The following MYO1F variants were observed in gnomAD, a reference collection of about 807,000 sequenced individuals.
MYO1F encodes the protein myosin IF.
A neutral mutation model predicts 146.6 loss-of-function variants in MYO1F; 60 were observed. The observed-to-expected ratio is 0.41, with a 90% CI of 0.33 to 0.51. MYO1F has a LOEUF of 0.51. Ranked by LOEUF, MYO1F falls within the 20% of genes least tolerant of loss-of-function variation. The pLI is 0.25. For missense variants in MYO1F, 1,274 were observed against 1,534.3 expected, an observed-to-expected ratio of 0.83 and a Z score of 2.83; for synonymous variants, 602 against 602.1, an observed-to-expected ratio of 1.00 and a Z score of 0.00.
chr19:8,554,984 G>A (rs1178993079), intron 2 of MYO1F, among the ~76,000 whole-genome samples: 1 of 152,082 alleles, frequency 6.6e-6, no homozygotes, highest in Non-Finnish European at 1.5e-5. Context: ...AGGAGTTTGA[G>A]ACCAGCCTGG....
rs1599903102 is a variant in MYO1F at position 8,522,840 on chromosome 19, A to G, written c.2855-11T>C. 1 of 1,550,346 alleles carries G rather than the reference A, an allele frequency of 6.5e-7. No homozygotes were observed. The highest frequency in any genetic ancestry group is 8.7e-7 in the Non-Finnish European group (1 of 1,152,152). On this transcript the variant is annotated splice_polypyrimidine_tract_variant and intron_variant, in intron 25 of 27. Coordinates refer to ENST00000644032, the MANE Select transcript of MYO1F (RefSeq NM_012335.4). The stretch of plus-strand genomic sequence containing the variant: ...CATTGCGATCCATGCCTGTGGCAGG[A>G]GCAAGGATGAAGACATGTATTAGGG...
chr19:8,521,966 T>A, intron 27 of MYO1F, among the ~76,000 whole-genome samples: 1 of 151,692 alleles, frequency 6.6e-6, no homozygotes, highest in Non-Finnish European at 1.5e-5. Flanking sequence ...TTATCTCTGT[T>A]CTCCCGTGGG....
chr19:8,551,297 C>T (rs1047321689), intron 8 of MYO1F: 2 of 248,318 alleles, frequency 8.1e-6, no homozygotes, highest in East Asian at 1.1e-4. Context: ...GGTGATCTAC[C>T]TGCCTCGGCC....
At chr19:8,538,545 G>T (rs1260885682) in intron 16 of MYO1F, among the ~76,000 whole-genome samples, 1 of 150,976 alleles carries the variant, frequency 6.6e-6, no homozygotes, top group African/African-American at 2.4e-5. Flanking sequence ...GCCTCTGAAA[G>T]TGCTGGGATT....
intron 15 of MYO1F, 33 bp from the exon 16 acceptor site, chr19:8,540,061 G>T: frequency 6.3e-7 from 1 of 1,579,262 alleles, no homozygotes; most frequent in Non-Finnish European, 8.7e-7. Flanking sequence ...GGAGTTGGAG[G>T]TATGGCTAGA....
At chr19:8,546,747 C>T (rs766489726) in intron 12 of MYO1F, among the ~76,000 whole-genome samples, 11 of 152,000 alleles carry the variant, frequency 7.2e-5, no homozygotes, top group South Asian at 2.1e-4. Context: ...GGCACAATCT[C>T]GACTCACTAC....
intron 19 of MYO1F, among the ~76,000 whole-genome samples, chr19:8,534,048 G>A (rs112789212): frequency 0.021 from 3,170 of 151,840 alleles, 55 homozygotes; most frequent in African/African-American, 0.048. Flanking sequence ...GTGTGGTGGC[G>A]GGTGCCTGTA....
chr19:8,540,089 T>C, intron 15 of MYO1F, 61 bp from the exon 16 acceptor site: 1 of 1,402,394 alleles, frequency 7.1e-7, no homozygotes, highest in Non-Finnish European at 9.9e-7. Flanking sequence ...GTACTCTTCC[T>C]CCAGGGGTGG....
At chr19:8,525,940 C>A (rs540336861) in intron 24 of MYO1F, among the ~76,000 whole-genome samples, 1 of 152,144 alleles carries the variant, frequency 6.6e-6, no homozygotes, top group Non-Finnish European at 1.5e-5. Context: ...GTCCAGCCTG[C>A]TGGCCCCGCC....
Position 8,521,420 on chromosome 19 carries a change from G to T in MYO1F, c.*108C>A. On this transcript the variant is annotated 3_prime_UTR_variant, in exon 28 of 28. Transcript: ENST00000644032. Reference sequence around the variant, plus strand: ...GGAGGCCAAAGGACTGGACTTTTAGGCTATTGCAGCCCAGGTAAACGAGGC... The same window carrying T: ...GGAGGCCAAAGGACTGGACTTTTAGTCTATTGCAGCCCAGGTAAACGAGGC... The T allele has an allele frequency of 8.3e-7, 1 of 1,202,530 alleles. No individual in the cohort carries two copies. Among genetic ancestry groups the T allele is most frequent in the Non-Finnish European group, 1.2e-6 (1 of 823,680 alleles). The allele number at this position is 1,202,530 out of a possible 1,614,324, so 74.5% of individuals were successfully genotyped here. A position where few individuals can be genotyped will look rare whatever the true frequency, so the allele number is the denominator to read the frequency against.
At chr19:8,547,901 TG>T in intron 12 of MYO1F, 134 bp downstream of exon 12, 1 of 784,166 alleles carries the variant, frequency 1.3e-6, no homozygotes, top group Non-Finnish European at 2.2e-6. Flanking sequence ...CTATGGAGCC[TG>T]GGTAGGTTGG....
chr19:8,553,050 G>T, intron 6 of MYO1F, 89 bp downstream of exon 6: 1 of 1,250,066 alleles, frequency 8.0e-7, no homozygotes, highest in Non-Finnish European at 1.2e-6. Context: ...TCTTGTCTTG[G>T]CAATACGGGT....
intron 15 of MYO1F, 164 bp downstream of exon 15, chr19:8,541,732 GGAGTTACTTT>G (rs1972981304): frequency 1.8e-5 from 12 of 677,328 alleles, no homozygotes; most frequent in Non-Finnish European, 3.2e-5. Flanking sequence ...CCCGGCCTCT[GGAGTTACTTT>G]TTACATCAGA....
At chr19:8,551,303 C>T (rs570321045) in intron 8 of MYO1F, 177 of 251,104 alleles carry the variant, frequency 7.0e-4, no homozygotes, top group African/African-American at 3.9e-3. Context: ...CTACCTGCCT[C>T]GGCCTCCCAA....
rs782244664 is a variant in MYO1F, at chr19:8,577,364, G to A, written c.-55C>T. On this transcript the variant is annotated 5_prime_UTR_variant, in exon 1 of 28. Transcript: ENST00000644032. This position sits in a 1 kb window ranked among gnomAD's most constrained non-coding sequence, Gnocchi z 4.3. ...GGCTCCTGAATGGGTCGTGATGGAG[G>A]TGCAGGTTCAGGGGGATCTTGGGGG... is the stretch of plus-strand genomic sequence containing the variant. 17 of 1,610,030 alleles carry A rather than the reference G, an allele frequency of 1.1e-5. No homozygotes were observed. The Admixed American group carries it at 2.8e-4, about 27-fold the overall frequency.
At position 8,525,502 on chromosome 19, in the gene MYO1F, C is replaced by G. The variant is rs751812345; in HGVS notation, c.2831G>C (p.Arg944Pro). The change falls in exon 25 of 28, where the codon CGG becomes CCG. Residue 944 changes from arginine (R) to proline (P), a missense_variant. This residue lies in a region of MYO1F where 374 missense variants were observed against 379.2 expected (regional missense o/e 0.99). Coordinates refer to ENST00000644032, the MANE Select transcript of MYO1F (RefSeq NM_012335.4). ...ACCTCTGGGGGGCGCAGGGGCCGCC[C>G]GGGTAGGGGCTTGGGACGACCTCCG... is the stretch of plus-strand genomic sequence containing the variant. ...KPRRSSQAPT[R>P]AAPAPPRGMD... The G allele has an allele frequency of 8.7e-6, 14 of 1,613,462 alleles. No homozygotes were observed. Among genetic ancestry groups the G allele is most frequent in the Non-Finnish European group, 1.1e-5 (13 of 1,179,946 alleles).
rs529655396 is a variant in MYO1F at position 8,549,111 on chromosome 19, C to T, written c.1102-794G>A. 7.9e-5 allele frequency among the ~76,000 whole-genome samples: 12 copies of T among 151,876 alleles called. No homozygotes were observed. In the East Asian group the frequency reaches 1.2e-3, roughly 15 times the overall value. On this transcript the variant is annotated intron_variant, in intron 10 of 27. Coordinates refer to ENST00000644032, the MANE Select transcript of MYO1F (RefSeq NM_012335.4). Reference sequence around the variant, plus strand: ...GATTACAGGCATGCGCCACCACGCCCGGCTAATTCTTGTATTTTTAGTAGA... The same window carrying T: ...GATTACAGGCATGCGCCACCACGCCTGGCTAATTCTTGTATTTTTAGTAGA...
chr19:8,537,083 G>A (rs753597352), intron 16 of MYO1F, 28 bp from the exon 17 acceptor site: 4 of 1,491,910 alleles, frequency 2.7e-6, no homozygotes, highest in Non-Finnish European at 3.7e-6. Context: ...ACGGGTGGGT[G>A]GGGGGCACAG....
intron 1 of MYO1F, among the ~76,000 whole-genome samples, chr19:8,567,577 G>A (rs1361706244): frequency 6.6e-6 from 1 of 152,050 alleles, no homozygotes; most frequent in East Asian, 1.9e-4. Context: ...CGCTCATCTC[G>A]AACTCCCAAC....
Sources: allele counts gnomAD v4.1 joint callset (sites outside exome capture counted in the v4.1 genomes callset), GRCh38; gene constraint gnomAD v4.1.1; regional missense constraint gnomAD v4.1.1; non-coding constraint Gnocchi (gnomAD v3.1); transcripts MANE v1.5; gene names NCBI Gene and HGNC (gene_info 2026-07-23, HGNC 2026-07-21).